FIGN: variants seen among roughly 807,000 people sequenced by gnomAD.
FIGN encodes fidgetin, microtubule severing factor, also known as fidgetin.
In FIGN, 11 loss-of-function variants were observed where a neutral mutation model predicts 51.3. The observed-to-expected ratio is 0.21, with a 90% CI of 0.13 to 0.35. The LOEUF (loss-of-function observed/expected upper bound fraction) is 0.35. FIGN is among the 10% of genes least tolerant of loss of function. The pLI, the probability that FIGN is intolerant of heterozygous loss-of-function variation, is 1.00. For missense variants in FIGN, 857 were observed against 943.6 expected, an observed-to-expected ratio of 0.91 and a Z score of 1.20; for synonymous variants, 407 against 363.2, an observed-to-expected ratio of 1.12 and a Z score of -1.37.
At chr2:163,674,857 C>A (rs1683932934) in intron 2 of FIGN, among the ~76,000 whole-genome samples, 1 of 151,514 alleles carries the variant, frequency 6.6e-6, no homozygotes, top group Admixed American at 6.6e-5. Context: ...ACTTTTTTTC[C>A]CACAGAAAAG....
chr2:163,675,706 C>CAT (rs1683948194), intron 2 of FIGN, among the ~76,000 whole-genome samples: 1 of 100,494 alleles, frequency 1.0e-5, no homozygotes, highest in African/African-American at 3.8e-5. Context: ...TTCTTTCTTT[C>CAT]TTTTTTTTTT....
intron 2 of FIGN, among the ~76,000 whole-genome samples, chr2:163,617,951 A>G (rs1020857372): frequency 2.6e-5 from 4 of 152,126 alleles, no homozygotes; most frequent in Admixed American, 6.6e-5. Flanking sequence ...ACAAAACAAC[A>G]CTGGCTAGAC....
intron 2 of FIGN, among the ~76,000 whole-genome samples, chr2:163,673,673 T>C (rs1683914338): frequency 6.6e-6 from 1 of 152,144 alleles, no homozygotes; most frequent in African/African-American, 2.4e-5. Flanking sequence ...ATTAAAACTA[T>C]ATGCTCTCTG....
intron 2 of FIGN, among the ~76,000 whole-genome samples, chr2:163,727,058 G>T (rs1239820526): frequency 3.3e-5 from 5 of 151,604 alleles, no homozygotes; most frequent in African/African-American, 9.7e-5. Context: ...GCATCATTGA[G>T]GTATATTATT....
At chr2:163,704,324 T>C (rs187965011) in intron 2 of FIGN, among the ~76,000 whole-genome samples, 31 of 152,194 alleles carry the variant, frequency 2.0e-4, no homozygotes, top group African/African-American at 6.7e-4. Context: ...GTTTCTCTAC[T>C]TTGAAGTTGG....
intron 2 of FIGN, among the ~76,000 whole-genome samples, chr2:163,620,229 C>G (rs1488403080): frequency 6.6e-6 from 1 of 152,140 alleles, no homozygotes; most frequent in Non-Finnish European, 1.5e-5. Flanking sequence ...GTTTAAATAG[C>G]ACTTTGTAGT....
chr2:163,675,106 T>C (rs1683935900), intron 2 of FIGN, among the ~76,000 whole-genome samples: 1 of 152,232 alleles, frequency 6.6e-6, no homozygotes. Flanking sequence ...CATGCCACAT[T>C]TGAGTTAACA....
At position 163,605,669 on chromosome 2, in the gene FIGN, G is replaced by A. The variant is rs1231240158; in HGVS notation, c.*3883C>T. On this transcript the variant is annotated 3_prime_UTR_variant, in exon 3 of 3. Transcript: ENST00000333129. ...ATATATATATTAGAACTTTACTTTA[G>A]TGGCCTCAATAGTTCAACAAGCTGC... is the stretch of plus-strand genomic sequence containing the variant. 1 of 151,648 alleles carries A rather than the reference G, an allele frequency of 6.6e-6. No individual in the cohort carries two copies. Among genetic ancestry groups the A allele is most frequent in the East Asian group, 1.9e-4 (1 of 5,178 alleles). 9.4% of individuals were successfully genotyped at this position (151,648 alleles called of 1,614,324 possible).
chr2:163,696,217 A>T (rs1684316578), intron 2 of FIGN, among the ~76,000 whole-genome samples: 1 of 152,198 alleles, frequency 6.6e-6, no homozygotes. Context: ...TAATGGTAAC[A>T]ATAGTTTCCT....
intron 2 of FIGN, among the ~76,000 whole-genome samples, chr2:163,625,385 C>T (rs1381726796): frequency 6.6e-6 from 1 of 151,860 alleles, no homozygotes; most frequent in Non-Finnish European, 1.5e-5. Flanking sequence ...CATTATATTG[C>T]TTTATTAGAT....
At chr2:163,622,320 G>GT (rs1398813535) in intron 2 of FIGN, among the ~76,000 whole-genome samples, 2 of 151,946 alleles carry the variant, frequency 1.3e-5, no homozygotes, top group Admixed American at 6.6e-5. Context: ...CGGCGACACG[G>GT]TAAGACTGTC....
intron 2 of FIGN, among the ~76,000 whole-genome samples, chr2:163,733,284 T>C (rs1198293454): frequency 3.3e-5 from 5 of 152,344 alleles, no homozygotes; most frequent in African/African-American, 1.2e-4. Context: ...TCATGAATTA[T>C]ATAATTGCCT....
intron 2 of FIGN, among the ~76,000 whole-genome samples, chr2:163,673,126 A>G (rs1294301953): frequency 1.3e-5 from 2 of 152,120 alleles, no homozygotes; most frequent in African/African-American, 4.8e-5. Context: ...CCTTATTTAG[A>G]AGGGATGCCA....
intron 2 of FIGN, among the ~76,000 whole-genome samples, chr2:163,703,455 C>A (rs75912706): frequency 0.027 from 4,076 of 152,190 alleles, 187 homozygotes; most frequent in African/African-American, 0.093. Flanking sequence ...TTCAATGATA[C>A]ATTTTTCATT....
intron 2 of FIGN, among the ~76,000 whole-genome samples, chr2:163,673,526 T>C (rs1261883387): frequency 1.3e-5 from 2 of 152,076 alleles, no homozygotes; most frequent in Non-Finnish European, 2.9e-5. Context: ...CATACAAAAA[T>C]TACTCTGCCA....
intron 2 of FIGN, among the ~76,000 whole-genome samples, chr2:163,639,393 G>A (rs1683273728): frequency 6.6e-6 from 1 of 152,014 alleles, no homozygotes; most frequent in Admixed American, 6.6e-5. Flanking sequence ...ATAATTATAA[G>A]CTTTATTGTG....
rs1015350712 is a variant in FIGN, at chr2:163,606,966, G to A, written c.*2586C>T. ...GATGTATGACTTCAATTTATTTTCA[G>A]TTTTATAAATGAGTGTAAAACACAA... On this transcript the variant is annotated 3_prime_UTR_variant, in exon 3 of 3. Coordinates refer to ENST00000333129, the MANE Select transcript of FIGN (RefSeq NM_018086.4). The A allele has an allele frequency of 1.3e-5, 2 of 152,118 alleles. No individual in the cohort carries two copies. The highest frequency in any genetic ancestry group is 3.9e-4 in the East Asian group (2 of 5,178). The allele number at this position is 152,118 out of a possible 1,614,324, so 9.4% of individuals were successfully genotyped here. A position where few individuals can be genotyped will look rare whatever the true frequency, so the allele number is the denominator to read the frequency against.
chr2:163,661,041 G>A (rs1212776949), intron 2 of FIGN, among the ~76,000 whole-genome samples: 4 of 145,472 alleles, frequency 2.7e-5, no homozygotes, highest in East Asian at 2.0e-4. Context: ...CCGCCACCAC[G>A]CCCAGCTAAT....
chr2:163,635,278 C>T (rs1683207928), intron 2 of FIGN, among the ~76,000 whole-genome samples: 1 of 152,128 alleles, frequency 6.6e-6, no homozygotes, highest in African/African-American at 2.4e-5. Flanking sequence ...GTTTAAAAGT[C>T]TTATATGGGC....
Sources: allele counts gnomAD v4.1 joint callset (sites outside exome capture counted in the v4.1 genomes callset), GRCh38; gene constraint gnomAD v4.1.1; transcripts MANE v1.5; gene names NCBI Gene and HGNC (gene_info 2026-07-23, HGNC 2026-07-21).